Variants in ZNF678 observed in about 807,000 individuals in gnomAD.
ZNF678 encodes the protein zinc finger protein 678, also known as hypothetical protein MGC42493.
A neutral mutation model predicts 3.0 loss-of-function variants in ZNF678; 5 were observed. The ratio of observed to expected loss-of-function variants is 1.69; its 90% CI spans 0.88 to 3.56. The LOEUF (loss-of-function observed/expected upper bound fraction) is 3.56, where lower values mean the gene tolerates loss of function less well. ZNF678 is among the 30% of genes most tolerant of loss of function. The pLI, the probability that ZNF678 is intolerant of heterozygous loss-of-function variation, is 0.00. For missense variants in ZNF678, 593 were observed against 605.0 expected, an observed-to-expected ratio of 0.98 and a Z score of 0.21; for synonymous variants, 218 against 199.6, an observed-to-expected ratio of 1.09 and a Z score of -0.78.
In ZNF678 at chr1:227,641,084, G is replaced by A. The variant is rs138700008; in HGVS notation, c.-163-5460G>A. Among the ~76,000 whole-genome samples, 24 of 152,324 alleles carry A rather than the reference G, an allele frequency of 1.6e-4. No individual in the cohort carries two copies. The East Asian group carries it at 3.1e-3, about 20-fold the overall frequency. On this transcript the variant is annotated intron_variant, in intron 1 of 3. Coordinates refer to ENST00000343776, the MANE Select transcript of ZNF678 (RefSeq NM_001367909.1). ...GCTCCCGGGAAACTTACCAGTAGGC[G>A]AGATCAGTGACCGATGTGCATGCAG...
chr1:227,601,696 CTGGGATTA>C (rs1657743657), intron 1 of ZNF678, among the ~76,000 whole-genome samples: 1 of 152,038 alleles, frequency 6.6e-6, no homozygotes, highest in African/African-American at 2.4e-5. Flanking sequence ...TCCCGAGTAG[CTGGGATTA>C]CAGGCATGTG....
At chr1:227,588,185 G>T (rs1657312684) in intron 1 of ZNF678, among the ~76,000 whole-genome samples, 2 of 152,126 alleles carry the variant, frequency 1.3e-5, no homozygotes, top group African/African-American at 4.8e-5. Context: ...TGGCTGCATA[G>T]TATTCCATGG....
chr1:227,606,003 T>G (rs1005366536), intron 1 of ZNF678, among the ~76,000 whole-genome samples: 7 of 152,368 alleles, frequency 4.6e-5, no homozygotes, highest in Non-Finnish European at 8.8e-5. Flanking sequence ...TATTATCTCC[T>G]TTTTATTGAA....
intron 1 of ZNF678, among the ~76,000 whole-genome samples, chr1:227,587,282 C>T (rs1460770685): frequency 6.6e-6 from 1 of 151,088 alleles, no homozygotes; most frequent in Non-Finnish European, 1.5e-5. Flanking sequence ...TTTTCAGTTG[C>T]CTTTTCCAGG....
chr1:227,663,355 A>AG (rs1184047677), downstream of ZNF678, among the ~76,000 whole-genome samples: 1 of 152,206 alleles, frequency 6.6e-6, no homozygotes, highest in African/African-American at 2.4e-5. Context: ...AGGCTGAACC[A>AG]CTGTGGGAAA....
At position 227,592,144 on chromosome 1, in the gene ZNF678, C is replaced by A. The variant is rs1055925126; in HGVS notation, c.-164+28420C>A. Among the ~76,000 whole-genome samples the A allele has an allele frequency of 2.0e-5, 3 of 152,178 alleles. No homozygotes were observed. In the East Asian group the frequency reaches 5.8e-4, roughly 29 times the overall value. On this transcript the variant is annotated intron_variant, in intron 1 of 3. Transcript: ENST00000343776. Reference sequence around the variant, plus strand: ...TTATGTTCAACTGGGCTCTCTGATACCGGGAGCAAGGTGGCGGGGTTTAGG... The same window carrying A: ...TTATGTTCAACTGGGCTCTCTGATAACGGGAGCAAGGTGGCGGGGTTTAGG...
chr1:227,564,903 TGTATTTTTA>T (rs1266137849), intron 1 of ZNF678, among the ~76,000 whole-genome samples: 1 of 151,518 alleles, frequency 6.6e-6, no homozygotes, highest in African/African-American at 2.4e-5. Flanking sequence ...GGCTAATTTT[TGTATTTTTA>T]GTATTTTGTA....
At chr1:227,608,567 G>A (rs1407460450) in intron 1 of ZNF678, among the ~76,000 whole-genome samples, 1 of 152,082 alleles carries the variant, frequency 6.6e-6, no homozygotes, top group African/African-American at 2.4e-5. Context: ...ACACTGTTGG[G>A]TTCAGAAGCT....
At chr1:227,642,672 A>G (rs1175286006) in intron 1 of ZNF678, among the ~76,000 whole-genome samples, 1 of 151,862 alleles carries the variant, frequency 6.6e-6, no homozygotes, top group African/African-American at 2.4e-5. Context: ...GCCTAGGCTT[A>G]CTGGAACCCC....
At chr1:227,576,218 G>A (rs923938570) in intron 1 of ZNF678, among the ~76,000 whole-genome samples, 38 of 152,236 alleles carry the variant, frequency 2.5e-4, no homozygotes, top group African/African-American at 8.7e-4. Context: ...TTCTTCTTTT[G>A]TTCTGCCTCT....
intron 1 of ZNF678, among the ~76,000 whole-genome samples, chr1:227,624,917 C>T (rs552459053): frequency 2.0e-5 from 3 of 152,234 alleles, no homozygotes; most frequent in Admixed American, 6.5e-5. Context: ...AAGCTCAGCT[C>T]GAGCCGCAAC....
intron 1 of ZNF678, among the ~76,000 whole-genome samples, chr1:227,636,916 C>T (rs1027604597): frequency 1.1e-4 from 17 of 152,160 alleles, no homozygotes; most frequent in African/African-American, 1.7e-4. Context: ...CTATGTGGAA[C>T]GCATAACGAG....
intron 1 of ZNF678, among the ~76,000 whole-genome samples, chr1:227,611,553 C>T (rs1658021235): frequency 6.6e-6 from 1 of 152,188 alleles, no homozygotes; most frequent in South Asian, 2.1e-4. Flanking sequence ...TCACCTTCAT[C>T]TGTGTTCTTC....
In ZNF678 at chr1:227,626,974, A is replaced by G. The variant is rs111254950; in HGVS notation, c.-163-19570A>G. On this transcript the variant is annotated intron_variant, in intron 1 of 3. Coordinates refer to ENST00000343776, the MANE Select transcript of ZNF678 (RefSeq NM_001367909.1). ...AGGCCTCCGCCCAACCAGTGAAAGT[A>G]TCTACCCAGACTAGTAGATACTGAA... Among the ~76,000 whole-genome samples the G allele has an allele frequency of 7.0e-3, 1,059 of 151,020 alleles. 2 individuals carry two copies. Among genetic ancestry groups the G allele is most frequent in the Non-Finnish European group, 9.9e-3 (673 of 67,854 alleles).
At chr1:227,622,242 TTC>T (rs1658298981) in intron 1 of ZNF678, among the ~76,000 whole-genome samples, 1 of 152,230 alleles carries the variant, frequency 6.6e-6, no homozygotes, top group Admixed American at 6.5e-5. Context: ...ATTCACACAT[TTC>T]TTTCTTCTGA....
At chr1:227,609,898 T>A (rs1334120924) in intron 1 of ZNF678, among the ~76,000 whole-genome samples, 5 of 152,140 alleles carry the variant, frequency 3.3e-5, no homozygotes, top group African/African-American at 9.7e-5. Context: ...CACGCCCAGC[T>A]AATTTTTTGT....
At chr1:227,653,837 A>G (rs1659147806) in intron 3 of ZNF678, among the ~76,000 whole-genome samples, 1 of 152,098 alleles carries the variant, frequency 6.6e-6, no homozygotes, top group Non-Finnish European at 1.5e-5. Flanking sequence ...TAGCAGACCA[A>G]AGCTGTCATT....
At chr1:227,610,449 A>G (rs1657988717) in intron 1 of ZNF678, among the ~76,000 whole-genome samples, 1 of 152,214 alleles carries the variant, frequency 6.6e-6, no homozygotes, top group East Asian at 1.9e-4. Flanking sequence ...ATGGGCATTT[A>G]TGGCCTAATT....
chr1:227,591,914 C>T (rs895004551), intron 1 of ZNF678, among the ~76,000 whole-genome samples: 26 of 152,154 alleles, frequency 1.7e-4, no homozygotes, highest in Non-Finnish European at 2.5e-4. Context: ...ATGAGTCCCG[C>T]GATGAGTTTC....
Sources: allele counts gnomAD v4.1 joint callset (sites outside exome capture counted in the v4.1 genomes callset), GRCh38; gene constraint gnomAD v4.1.1; transcripts MANE v1.5; gene names NCBI Gene and HGNC (gene_info 2026-07-23, HGNC 2026-07-21).